The following MCTP1 variants were observed in gnomAD, a reference collection of about 807,000 sequenced individuals.
MCTP1 encodes the protein multiple C2 and transmembrane domain-containing protein 1.
Under a neutral mutation model 120.6 loss-of-function variants are expected in MCTP1, and 69 were observed. The observed-to-expected ratio is 0.57, with a 90% CI of 0.47 to 0.70. The LOEUF (loss-of-function observed/expected upper bound fraction) is 0.70. Among genes scored for constraint, MCTP1 ranks in the 30% least tolerant of loss-of-function variants. The pLI is 0.00. For synonymous variants in MCTP1, 529 were observed against 493.1 expected (o/e 1.07, Z -0.96); for missense variants, 1,203 against 1,248.8 (o/e 0.96, Z 0.55).
chr5:95,084,502 A>G (rs1755280170), intron 1 of MCTP1, among the ~76,000 whole-genome samples: 1 of 151,320 alleles, frequency 6.6e-6, no homozygotes, highest in African/African-American at 2.4e-5. Flanking sequence ...AGAATCTCCA[A>G]TGTACCTTCT....
chr5:95,019,120 C>G (rs1322019576), intron 1 of MCTP1, among the ~76,000 whole-genome samples: 1 of 152,016 alleles, frequency 6.6e-6, no homozygotes, highest in Non-Finnish European at 1.5e-5. Flanking sequence ...AGATCTTTCT[C>G]TTTCAAATGT....
At position 94,870,430 on chromosome 5, in the gene MCTP1, CT is replaced by C; in HGVS notation, c.2302del (p.Arg768AspfsTer8). On this transcript the variant is annotated frameshift_variant, in exon 16 of 23. Transcript: ENST00000515393. LOFTEE classifies it high-confidence loss of function. ...CTTGCTTTTTACCTGTTTAGAGAGT[CT>C]GTTTTCCTCTTCAATGTACTTCTGT... ...KEQKYIEEEN[R>X]LSKQLLLRNF... 1 of 1,610,716 alleles carries C rather than the reference CT, an allele frequency of 6.2e-7. No individual in the cohort carries two copies.
At chr5:95,174,916 T>C (rs933129066) in intron 1 of MCTP1, among the ~76,000 whole-genome samples, 2 of 152,240 alleles carry the variant, frequency 1.3e-5, no homozygotes, top group African/African-American at 2.4e-5. Context: ...ATGTTAGCCA[T>C]ACTTTTTGTA....
intron 19 of MCTP1, among the ~76,000 whole-genome samples, chr5:94,722,891 T>G (rs1020201356): frequency 1.3e-5 from 2 of 152,212 alleles, no homozygotes; most frequent in Non-Finnish European, 1.5e-5. Context: ...AAGATGGTTT[T>G]GGTGCACTAC....
chr5:94,773,880 A>G (rs1381787168), intron 19 of MCTP1, among the ~76,000 whole-genome samples: 1 of 152,132 alleles, frequency 6.6e-6, no homozygotes, highest in Non-Finnish European at 1.5e-5. Flanking sequence ...GCTACAATTC[A>G]AGATATTATT....
intron 2 of MCTP1, among the ~76,000 whole-genome samples, chr5:95,003,454 A>G (rs1834102608): frequency 1.3e-5 from 2 of 152,198 alleles, no homozygotes; most frequent in African/African-American, 4.8e-5. Context: ...TGTGATGTTC[A>G]CGCAACAATA....
chr5:95,014,690 T>C (rs1192598499), intron 2 of MCTP1, among the ~76,000 whole-genome samples: 1 of 152,164 alleles, frequency 6.6e-6, no homozygotes, highest in African/African-American at 2.4e-5. Context: ...TTTTTCTCTA[T>C]TTTATTCCTT....
intron 19 of MCTP1, among the ~76,000 whole-genome samples, chr5:94,759,903 G>GGAA (rs775449598): frequency 2.5e-5 from 2 of 78,906 alleles, no homozygotes; most frequent in African/African-American, 5.1e-5. Context: ...TTTTCAAAGA[G>GGAA]AAAAAAAAAA....
intron 2 of MCTP1, among the ~76,000 whole-genome samples, chr5:94,963,697 A>G (rs74434613): frequency 0.015 from 2,307 of 152,098 alleles, 34 homozygotes; most frequent in Middle Eastern, 0.038. Context: ...GTAGTTCCTT[A>G]TATAGTTTAG....
At chr5:94,975,549 T>C (rs1299097036) in intron 2 of MCTP1, among the ~76,000 whole-genome samples, 2 of 151,884 alleles carry the variant, frequency 1.3e-5, no homozygotes, top group Middle Eastern at 6.3e-3. Flanking sequence ...GAAATAAATG[T>C]CTGTTGTTTA....
In MCTP1 at chr5:95,284,442, C is replaced by T. The variant is rs759980183; in HGVS notation, c.134G>A (p.Gly45Asp). ...SKGGGGGRAGGPERRTADTPS... is the reference protein window; with the variant it reads ...SKGGGGGRAGDPERRTADTPS... ...GGTGTCCGCAGTGCGGCGCTCTGGA[C>T]CCCCAGCGCGCCCGCCCCCGCCGCC... Residue 45 changes from glycine to aspartate, a missense_variant, in exon 1 of 23, where the codon GGT becomes GAT. Physicochemically the swap from Gly to Asp is moderately conservative, Grantham distance 94. Transcript: ENST00000515393. The surrounding 1 kb of genome is among the most constrained non-coding windows in gnomAD (Gnocchi z 5.2). 6.5e-6 allele frequency: 10 copies of T among 1,528,624 alleles called. No individual in the cohort carries two copies. In the South Asian group the frequency reaches 1.1e-4, roughly 16 times the overall value. 94.7% of individuals were successfully genotyped at this position (1,528,624 alleles called of 1,614,324 possible).
At chr5:95,197,024 T>G (rs2152542102) in intron 1 of MCTP1, among the ~76,000 whole-genome samples, 1 of 152,316 alleles carries the variant, frequency 6.6e-6, no homozygotes, top group South Asian at 2.1e-4. Flanking sequence ...TTACTGGCTT[T>G]TGTTTTTAGT....
At chr5:94,947,577 T>TATATATATATATATATAGAGAGAG in intron 3 of MCTP1, among the ~76,000 whole-genome samples, 40 of 47,366 alleles carry the variant, frequency 8.4e-4, no homozygotes, top group Admixed American at 1.5e-3. Context: ...TATATATATA[T>TATATATATATATATATAGAGAGAG]AGAGAGAGAG....
intron 20 of MCTP1, among the ~76,000 whole-genome samples, chr5:94,712,419 GTT>G (rs11320054): frequency 1.3e-5 from 2 of 149,130 alleles, no homozygotes; most frequent in Non-Finnish European, 1.5e-5. Context: ...CTTGAGGTGA[GTT>G]TTTTTTTTTC....
In MCTP1 at chr5:95,061,433, T is replaced by G. The variant is rs1301600916; in HGVS notation, c.721-43949A>C. 1.2e-3 allele frequency among the ~76,000 whole-genome samples: 79 copies of G among 65,822 alleles called. 5 individuals are homozygous for G. Among genetic ancestry groups the G allele is most frequent in the Admixed American group, 2.1e-3 (14 of 6,754 alleles). 43.2% of individuals were successfully genotyped at this position (65,822 alleles called of 152,430 possible). On this transcript the variant is annotated intron_variant, in intron 1 of 22. Coordinates refer to ENST00000515393, the MANE Select transcript of MCTP1 (RefSeq NM_024717.7). ...GTTTTTTTTTTTTTTTTTTTTTTTT[T>G]TTTTTTTTTTTTTTTTTTTTGAGAC...
At chr5:94,764,323 CATTGATAAGAACCTA>C (rs1409093132) in intron 19 of MCTP1, among the ~76,000 whole-genome samples, 3 of 152,178 alleles carry the variant, frequency 2.0e-5, no homozygotes, top group African/African-American at 7.2e-5. Flanking sequence ...AATAGCTTCC[CATTGATAAGAACCTA>C]ATTGATAAGA....
chr5:94,708,574 A>G lies in MCTP1; in HGVS notation c.2866T>C (p.Tyr956His), dbSNP rs141609728. The G allele has an allele frequency of 1.6e-5, 26 of 1,611,302 alleles. No individual in the cohort carries two copies. Among genetic ancestry groups the G allele is most frequent in the African/African-American group, 1.6e-4 (12 of 74,928 alleles). Residue 956 changes from tyrosine to histidine, a missense_variant, in exon 22 of 23, where the codon TAT (tyrosine) becomes CAT (histidine). Physicochemically the swap from Tyr to His is moderately conservative, Grantham distance 83. Around this residue, in one of 2 missense-constraint regions of MCTP1, gnomAD observed 740 missense variants for 871.1 expected, o/e 0.85. Transcript: ENST00000515393. ...NKFTKKLRSP[Y>H]AIDNNELLDF... The stretch of plus-strand genomic sequence containing the variant: ...AGTAGTTCATTGTTATCAATTGCAT[A>G]TGGACTCCGAAGCTTTTTTGTAAAT...
At chr5:94,801,825 T>C (rs1217215205) in intron 17 of MCTP1, among the ~76,000 whole-genome samples, 1 of 152,212 alleles carries the variant, frequency 6.6e-6, no homozygotes, top group Admixed American at 6.5e-5. Context: ...ACATCTTTCA[T>C]GCATTCTTCT....
chr5:95,126,239 A>C (rs1414154604), intron 1 of MCTP1, among the ~76,000 whole-genome samples: 1 of 152,196 alleles, frequency 6.6e-6, no homozygotes, highest in Non-Finnish European at 1.5e-5. Context: ...ATCAGAGGTA[A>C]ACTGAAGACA....
Sources: gnomAD v4.1 joint callset for allele counts (sites outside exome capture counted in the v4.1 genomes callset) on GRCh38, gnomAD v4.1.1 for gene constraint, gnomAD v4.1.1 regional missense constraint, Gnocchi (gnomAD v3.1) non-coding constraint, MANE v1.5 for transcripts, NCBI Gene and HGNC (gene_info 2026-07-23, HGNC 2026-07-21) for gene names.